Variants in PRICKLE4 observed in about 807,000 individuals in gnomAD.
PRICKLE4 encodes prickle planar cell polarity protein 4, also known as prickle-like protein 4.
PRICKLE4 carries 40 observed loss-of-function variants against 43.5 expected under a neutral mutation model. That is an observed-to-expected ratio of 0.92 (90% CI 0.71 to 1.20). PRICKLE4 has a LOEUF of 1.20. Ranked by LOEUF, PRICKLE4 falls within the 50% of genes most tolerant of loss-of-function variation. PRICKLE4 has a pLI of 0.00. For missense variants in PRICKLE4, 527 were observed against 491.2 expected (o/e 1.07, Z -0.69); for synonymous variants, 208 against 197.4 (o/e 1.05, Z -0.45).
At chr6:41,785,874 T>C (rs887895768) in intron 6 of PRICKLE4, among the ~76,000 whole-genome samples, 4 of 152,132 alleles carry the variant, frequency 2.6e-5, no homozygotes, top group Non-Finnish European at 4.4e-5. Flanking sequence ...TCCCTTGATG[T>C]CAGCATAAAA....
intron 5 of PRICKLE4, 92 bp from the exon 6 acceptor site, chr6:41,785,245 C>A (rs1202083038): frequency 2.0e-6 from 3 of 1,515,094 alleles, no homozygotes; most frequent in East Asian, 2.3e-5. Flanking sequence ...TAGGGTATGG[C>A]GAGAACAGGT....
rs1772672921 is a variant in PRICKLE4 at position 41,787,030 on chromosome 6, A to G, written c.1056A>G (p.Gly352=). The change falls in exon 8 of 8, where the codon GGA becomes GGG. Residue 352 remains glycine, a synonymous_variant. Coordinates refer to ENST00000458694, the MANE Select transcript of PRICKLE4 (RefSeq NM_013397.6). ...CCTCCTCTGACTCGGAACCTGAAGG[A>G]TTTTTCTTAGGCGAGCGCCTTCCCC... ...CSSSSDSEPE[G]FFLGERLPQS... is the part of the protein sequence containing the mutation. 6.2e-7 allele frequency: 1 copy of G among 1,613,644 alleles called. No individual in the cohort carries two copies. Among genetic ancestry groups the G allele is most frequent in the African/African-American group, 1.3e-5 (1 of 74,764 alleles).
intron 2 of PRICKLE4, 100 bp from the exon 3 acceptor site, chr6:41,783,362 T>TAGATC: frequency 8.2e-7 from 1 of 1,220,668 alleles, no homozygotes; most frequent in South Asian, 2.0e-5. Flanking sequence ...CGTTTGGGTG[T>TAGATC]TGGGAGGACT....
chr6:41,787,282 T>C lies in PRICKLE4; in HGVS notation c.*153T>C. 1 of 1,089,890 alleles carries C rather than the reference T, an allele frequency of 9.2e-7. No homozygotes were observed. The highest frequency in any genetic ancestry group is 1.3e-6 in the Non-Finnish European group (1 of 785,498). The allele number at this position is 1,089,890 out of a possible 1,614,324, so 67.5% of individuals were successfully genotyped here. On this transcript the variant is annotated 3_prime_UTR_variant, in exon 8 of 8. Transcript: ENST00000458694. ...GGTGACAAGTTTGGAGTGCGCCCCC[T>C]TCAGTACTGCGCGTTCTAAGACTTT...
intron 3 of PRICKLE4, 193 bp from the exon 4 acceptor site, chr6:41,783,938 G>T: frequency 1.5e-6 from 1 of 685,714 alleles, no homozygotes. Context: ...CTCCCTCAAG[G>T]AAGACCACAC....
At chr6:41,785,935 G>A (rs1263376873) in intron 6 of PRICKLE4, among the ~76,000 whole-genome samples, 193 bp from the exon 7 acceptor site, 5 of 152,224 alleles carry the variant, frequency 3.3e-5, no homozygotes, top group Admixed American at 1.3e-4. Flanking sequence ...TCGCACTGGG[G>A]ATTGTCCCAC....
Position 41,785,220 on chromosome 6 carries a change from T to C in PRICKLE4, c.379-117T>C. On this transcript the variant is annotated intron_variant, in intron 5 of 7. Coordinates refer to ENST00000458694, the MANE Select transcript of PRICKLE4 (RefSeq NM_013397.6). ...TGCAAGCTCTTGGTATAGGTTGCAG[T>C]GGATGTGGGCTTGCTAGGGTATGGC... The C allele has an allele frequency of 2.0e-6, 3 of 1,498,904 alleles. No individual in the cohort carries two copies. In the East Asian group the frequency reaches 6.8e-5, roughly 34 times the overall value. 92.9% of individuals were successfully genotyped at this position (1,498,904 alleles called of 1,614,324 possible). A position where few individuals can be genotyped will look rare whatever the true frequency, so the allele number is the denominator to read the frequency against.
rs969298624 is a variant in PRICKLE4 at position 41,785,683 on chromosome 6, T to C, written c.582+143T>C. The C allele has an allele frequency of 1.3e-5, 12 of 893,040 alleles. No homozygotes were observed. The African/African-American group carries it at 1.7e-4, about 13-fold the overall frequency. 55.3% of individuals were successfully genotyped at this position (893,040 alleles called of 1,614,324 possible). On this transcript the variant is annotated intron_variant, in intron 6 of 7. Transcript: ENST00000458694. The stretch of plus-strand genomic sequence containing the variant: ...ACCAGCCTGGGACTACCAAGTTCCC[T>C]GTGTTCTGACTTGAGCTCTGGGCAT...
chr6:41,782,239 T>C (rs1772564955), intron 2 of PRICKLE4, among the ~76,000 whole-genome samples: 1 of 151,660 alleles, frequency 6.6e-6, no homozygotes, highest in African/African-American at 2.4e-5. Flanking sequence ...GCCCAGCTTA[T>C]TTTTGTATTT....
chr6:41,786,479 C>A, intron 7 of PRICKLE4, 147 bp downstream of exon 7: 1 of 1,075,980 alleles, frequency 9.3e-7, no homozygotes, highest in Non-Finnish European at 1.4e-6. Context: ...AGCCTCGGGG[C>A]CCGCAGCTCT....
intron 2 of PRICKLE4, 76 bp from the exon 3 acceptor site, chr6:41,783,386 T>C: frequency 1.3e-5 from 17 of 1,347,058 alleles, no homozygotes; most frequent in African/African-American, 4.4e-5. Flanking sequence ...GGAAATAATA[T>C]CTATAAAGCA....
intron 7 of PRICKLE4, chr6:41,786,555 T>A (rs993419953): frequency 3.8e-6 from 4 of 1,039,554 alleles, no homozygotes; most frequent in Non-Finnish European, 5.6e-6. Flanking sequence ...GCGGTCGGGG[T>A]TGCGGCGCCA....
chr6:41,787,114 C>G lies in PRICKLE4; in HGVS notation c.1140C>G (p.His380Gln), dbSNP rs758568702. ...AGGACAGCAACGCCTCTAAGACGCA[C>G]TGCACCATGTGCTAGTGGCGCAGCT... ...QAEDSNASKT[H>Q]CTMC The change falls in exon 8 of 8, where the codon CAC becomes CAG. Residue 380 changes from histidine to glutamine, a missense_variant. Physicochemically the swap from His to Gln is conservative, Grantham distance 24. Coordinates refer to ENST00000458694, the MANE Select transcript of PRICKLE4 (RefSeq NM_013397.6). 1.9e-6 allele frequency: 3 copies of G among 1,606,308 alleles called. No homozygotes were observed. The highest frequency in any genetic ancestry group is 2.2e-5 in the South Asian group (2 of 90,860).
In PRICKLE4 at chr6:41,783,574, C is replaced by T. The variant is rs530369550; in HGVS notation, c.101C>T (p.Pro34Leu). 35 of 1,613,684 alleles carry T rather than the reference C, an allele frequency of 2.2e-5. No individual in the cohort carries two copies. Among genetic ancestry groups the T allele is most frequent in the African/African-American group, 1.7e-4 (13 of 74,956 alleles). ...TCAGACAGTGACTCAGGCCACCTGC[C>T]GGGGGAGGACCCTGAGGATACCCAT... ...ANSDSDSGHL[P>L]GEDPEDTHAQ... Residue 34 changes from proline to leucine, a missense_variant, in exon 3 of 8, where the codon CCG becomes CTG. Pro to Leu is a moderately conservative substitution (Grantham distance 98). Coordinates refer to ENST00000458694, the MANE Select transcript of PRICKLE4 (RefSeq NM_013397.6).
chr6:41,786,217 C>A lies in PRICKLE4; in HGVS notation c.672C>A (p.Gly224=). The A allele has an allele frequency of 6.2e-7, 1 of 1,606,934 alleles. No individual in the cohort carries two copies. The highest frequency in any genetic ancestry group is 1.1e-5 in the South Asian group (1 of 90,694). The change falls in exon 7 of 8, where the codon GGC becomes GGA. Residue 224 remains glycine, a synonymous_variant. Coordinates refer to ENST00000458694, the MANE Select transcript of PRICKLE4 (RefSeq NM_013397.6). The part of the protein sequence containing the change: ...FCCQDCAGPL[G]GGRYALPGGS... ...GCCAGGACTGCGCCGGGCCTCTGGGCGGGGGACGTTATGCCCTGCCTGGGG... is the reference window on the plus strand; with the variant it reads ...GCCAGGACTGCGCCGGGCCTCTGGGAGGGGGACGTTATGCCCTGCCTGGGG...
At chr6:41,786,027 A>G in intron 6 of PRICKLE4, 101 bp from the exon 7 acceptor site, 3 of 1,243,888 alleles carry the variant, frequency 2.4e-6, no homozygotes, top group Non-Finnish European at 3.4e-6. Context: ...GAATGTGTGC[A>G]GACGTGCTTT....
Position 41,787,113 on chromosome 6 carries a change from A to G in PRICKLE4, c.1139A>G (p.His380Arg). The change falls in exon 8 of 8, where the codon CAC becomes CGC. Residue 380 changes from histidine (H) to arginine (R), a missense_variant. Coordinates refer to ENST00000458694, the MANE Select transcript of PRICKLE4 (RefSeq NM_013397.6). ...QAEDSNASKTHCTMC is the reference protein window; with the variant it reads ...QAEDSNASKTRCTMC ...GAGGACAGCAACGCCTCTAAGACGC[A>G]CTGCACCATGTGCTAGTGGCGCAGC... 1.2e-6 allele frequency: 2 copies of G among 1,606,738 alleles called. No individual in the cohort carries two copies. The highest frequency in any genetic ancestry group is 2.2e-5 in the South Asian group (2 of 90,912).
intron 2 of PRICKLE4, among the ~76,000 whole-genome samples, chr6:41,782,385 T>TA: frequency 1.1e-5 from 1 of 90,580 alleles, no homozygotes; most frequent in South Asian, 4.5e-4. Flanking sequence ...GGTCACTTCT[T>TA]CTTTTTTTTT....
chr6:41,785,263 G>A lies in PRICKLE4; in HGVS notation c.379-74G>A, dbSNP rs905205864. The A allele has an allele frequency of 9.7e-6, 15 of 1,545,404 alleles. No individual in the cohort carries two copies. In the African/African-American group the frequency reaches 1.5e-4, roughly 15 times the overall value. ...GGTATGGCGAGAACAGGTTGGGATC[G>A]GATTGCAAGAGCAAGGAGGGAAGTT... On this transcript the variant is annotated intron_variant, in intron 5 of 7. Transcript: ENST00000458694.
Sources: allele counts gnomAD v4.1 joint callset (sites outside exome capture counted in the v4.1 genomes callset), GRCh38; gene constraint gnomAD v4.1.1; transcripts MANE v1.5; gene names NCBI Gene and HGNC (gene_info 2026-07-23, HGNC 2026-07-21).